The following MYO5A variants were observed in gnomAD, a reference collection of about 807,000 sequenced individuals.
The protein encoded by MYO5A is unconventional myosin-Va.
In MYO5A, 98 loss-of-function variants were observed where a neutral mutation model predicts 249.7. The observed-to-expected ratio is 0.39, with a 90% confidence interval of 0.33 to 0.46. The LOEUF is 0.46. Among genes scored for constraint, MYO5A ranks in the 20% least tolerant of loss-of-function variants. MYO5A has a pLI of 0.98. For missense variants in MYO5A, 1,696 were observed against 2,308.8 expected (o/e 0.73, Z 5.44); for synonymous variants, 778 against 810.6 (o/e 0.96, Z 0.68).
In MYO5A at chr15:52,505,652, T is replaced by G. The variant is rs575423734; in HGVS notation, c.27+23128A>C. On this transcript the variant is annotated intron_variant, in intron 1 of 41. Coordinates refer to ENST00000399233, the MANE Select transcript of MYO5A (RefSeq NM_001382347.1). ...AAATCTTGGGATGATGAGACAGATA[T>G]GGCGAAATTAGAGGGCGTCAGAAGC... 8 of 1,276,750 alleles carry G rather than the reference T, an allele frequency of 6.3e-6. No homozygotes were observed. In the African/African-American group the frequency reaches 1.2e-4, roughly 19 times the overall value. The allele number at this position is 1,276,750 out of a possible 1,614,324, so 79.1% of individuals were successfully genotyped here.
chr15:52,322,631 C>T (rs969143999), intron 37 of MYO5A, among the ~76,000 whole-genome samples: 3 of 152,148 alleles, frequency 2.0e-5, no homozygotes, highest in African/African-American at 7.2e-5. Flanking sequence ...TAAAGCAGCC[C>T]TTAATAGTCA....
At chr15:52,440,016 C>T (rs2075751879) in intron 1 of MYO5A, among the ~76,000 whole-genome samples, 1 of 152,150 alleles carries the variant, frequency 6.6e-6, no homozygotes, top group South Asian at 2.1e-4. Context: ...TAATAGCTTG[C>T]AAGGAAAATA....
At chr15:52,319,371 G>A (rs755701261) in intron 38 of MYO5A, 29 bp from the exon 39 acceptor site, 2 of 1,609,324 alleles carry the variant, frequency 1.2e-6, no homozygotes, top group Non-Finnish European at 8.5e-7. Context: ...TGTTAGAGGA[G>A]ATGATGTGGA....
intron 1 of MYO5A, among the ~76,000 whole-genome samples, chr15:52,511,498 C>A (rs1347489505): frequency 6.6e-6 from 1 of 152,196 alleles, no homozygotes; most frequent in Non-Finnish European, 1.5e-5. Flanking sequence ...AGCTTCTGAG[C>A]AATGAGGCTA....
At chr15:52,430,244 G>T (rs553699996) in intron 2 of MYO5A, among the ~76,000 whole-genome samples, 3 of 152,304 alleles carry the variant, frequency 2.0e-5, no homozygotes, top group African/African-American at 7.2e-5. Flanking sequence ...ATACACAATT[G>T]TCTGTTCTGG....
Position 52,359,937 on chromosome 15 carries a change from C to A in MYO5A, c.3423+31G>T, listed in dbSNP as rs764311432. 13 of 1,476,424 alleles carry A rather than the reference C, an allele frequency of 8.8e-6. No individual in the cohort carries two copies. The Admixed American group carries it at 1.2e-4, about 14-fold the overall frequency. The allele number at this position is 1,476,424 out of a possible 1,614,324, so 91.5% of individuals were successfully genotyped here. On this transcript the variant is annotated intron_variant, in intron 25 of 41. Transcript: ENST00000399233. ...TTGTTAACAACAGCATGCTCATATC[C>A]TACTTTCAGTGACAGATGTCTAAAC...
At chr15:52,475,309 T>C (rs929921305) in intron 1 of MYO5A, among the ~76,000 whole-genome samples, 5 of 152,214 alleles carry the variant, frequency 3.3e-5, no homozygotes, top group African/African-American at 1.2e-4. Context: ...TAGCAGTCTA[T>C]CAATTTTGTT....
chr15:52,378,065 C>T (rs1352890571), intron 18 of MYO5A, among the ~76,000 whole-genome samples: 3 of 152,070 alleles, frequency 2.0e-5, no homozygotes, highest in South Asian at 4.1e-4. Flanking sequence ...ACCCGCATCC[C>T]GCTTCACACC....
rs929682477 is a variant in MYO5A, at chr15:52,364,417, G to A, written c.3309+137C>T. 11 of 727,098 alleles carry A rather than the reference G, an allele frequency of 1.5e-5. No individual in the cohort carries two copies. The African/African-American group carries it at 2.0e-4, about 13-fold the overall frequency. 45.0% of individuals were successfully genotyped at this position (727,098 alleles called of 1,614,324 possible). Reference sequence around the variant, plus strand: ...GGAGTGGGTTGGGGAGATGGAATGGGAGGTGAATATGTGTTGAACATTCTG... The same window carrying A: ...GGAGTGGGTTGGGGAGATGGAATGGAAGGTGAATATGTGTTGAACATTCTG... On this transcript the variant is annotated intron_variant, in intron 24 of 41. Transcript: ENST00000399233.
chr15:52,312,763 ACTGTACC>A lies in MYO5A; in HGVS notation c.*926_*932del, dbSNP rs2140903282. 1 of 152,358 alleles carries A rather than the reference ACTGTACC, an allele frequency of 6.6e-6. No individual in the cohort carries two copies. The highest frequency in any genetic ancestry group is 1.5e-5 in the Non-Finnish European group (1 of 68,036). The allele number at this position is 152,358 out of a possible 1,614,324, so 9.4% of individuals were successfully genotyped here. On this transcript the variant is annotated 3_prime_UTR_variant, in exon 42 of 42. Coordinates refer to ENST00000399233, the MANE Select transcript of MYO5A (RefSeq NM_001382347.1). ...TTAAAAATAAGTCACTTCACAGAACACTGTACCCTGACGCAATATCCACCCAGGGAAA... is the reference window on the plus strand; with the variant it reads ...TTAAAAATAAGTCACTTCACAGAACACTGACGCAATATCCACCCAGGGAAA...
In MYO5A at chr15:52,364,875, A is replaced by C. The variant is rs535383513; in HGVS notation, c.3161-173T>G. Among the ~76,000 whole-genome samples the C allele has an allele frequency of 2.0e-5, 3 of 152,344 alleles. No homozygotes were observed. The East Asian group carries it at 5.8e-4, about 29-fold the overall frequency. Reference sequence around the variant, plus strand: ...GAAAAGAAAAAATGACCAAAAAATGAAATAATTTATTAATAATAACAATCA... The same window carrying C: ...GAAAAGAAAAAATGACCAAAAAATGCAATAATTTATTAATAATAACAATCA... On this transcript the variant is annotated intron_variant, in intron 23 of 41. Transcript: ENST00000399233.
intron 1 of MYO5A, chr15:52,438,167 T>A (rs575880324): frequency 2.0e-5 from 9 of 455,278 alleles, no homozygotes; most frequent in African/African-American, 1.9e-4. Context: ...GATATGCCAC[T>A]TCCTACTGCT....
intron 27 of MYO5A, among the ~76,000 whole-genome samples, chr15:52,353,055 C>G (rs909359761): frequency 3.9e-5 from 6 of 152,158 alleles, no homozygotes; most frequent in African/African-American, 7.2e-5. Context: ...TGTTCAAACA[C>G]AGATTGCTGG....
chr15:52,434,214 G>T (rs1432388449), intron 1 of MYO5A, among the ~76,000 whole-genome samples: 1 of 151,746 alleles, frequency 6.6e-6, no homozygotes, highest in African/African-American at 2.4e-5. Flanking sequence ...TGGCCAGGCT[G>T]GTCTCGAACC....
At chr15:52,506,584 T>C (rs2077276946) in intron 1 of MYO5A, among the ~76,000 whole-genome samples, 1 of 149,578 alleles carries the variant, frequency 6.7e-6, no homozygotes, top group African/African-American at 2.5e-5. Context: ...ATGCTTGTAA[T>C]CCAGCAATTT....
intron 18 of MYO5A, 144 bp from the exon 19 acceptor site, chr15:52,376,702 G>T: frequency 1.4e-6 from 1 of 738,862 alleles, no homozygotes; most frequent in Non-Finnish European, 2.2e-6. Context: ...AATGGAGCCA[G>T]ATTTTTAATC....
intron 1 of MYO5A, among the ~76,000 whole-genome samples, chr15:52,498,314 C>T (rs2077083990): frequency 6.6e-6 from 1 of 152,126 alleles, no homozygotes; most frequent in South Asian, 2.1e-4. Flanking sequence ...TTCATTCATG[C>T]TTATTTCCTG....
At position 52,310,373 on chromosome 15, in the gene MYO5A, T is replaced by A. The variant is rs1420263839; in HGVS notation, c.*3323A>T. The A allele has an allele frequency of 6.6e-6, 1 of 152,246 alleles. No individual in the cohort carries two copies. Among genetic ancestry groups the A allele is most frequent in the African/African-American group, 2.4e-5 (1 of 41,466 alleles). The allele number at this position is 152,246 out of a possible 1,614,324, so 9.4% of individuals were successfully genotyped here. A position where few individuals can be genotyped will look rare whatever the true frequency, so the allele number is the denominator to read the frequency against. ...GGGAAATTACTTTTAAATTTTCAGC[T>A]TCAAGTTGTAAGGGTGTGAGGTGAG... On this transcript the variant is annotated 3_prime_UTR_variant, in exon 42 of 42. Coordinates refer to ENST00000399233, the MANE Select transcript of MYO5A (RefSeq NM_001382347.1).
intron 1 of MYO5A, among the ~76,000 whole-genome samples, chr15:52,494,657 T>A (rs1265280525): frequency 6.6e-6 from 1 of 152,152 alleles, no homozygotes; most frequent in Non-Finnish European, 1.5e-5. Context: ...CACGTCCGGA[T>A]AATTTTTGTA....
Sources: allele counts gnomAD v4.1 joint callset (sites outside exome capture counted in the v4.1 genomes callset), GRCh38; gene constraint gnomAD v4.1.1; transcripts MANE v1.5; gene names NCBI Gene and HGNC (gene_info 2026-07-23, HGNC 2026-07-21).